The following MYLK4 variants were observed in gnomAD, a reference collection of about 807,000 sequenced individuals.
MYLK4 encodes the protein myosin light chain kinase family member 4.
Under a neutral mutation model 48.1 loss-of-function variants are expected in MYLK4, and 46 were observed. That is an observed-to-expected ratio of 0.96 (90% CI 0.75 to 1.22). The LOEUF is 1.22. Ranked by LOEUF, MYLK4 falls within the 50% of genes most tolerant of loss-of-function variation. MYLK4 has a pLI of 0.00. For synonymous variants in MYLK4, 170 were observed against 180.8 expected (o/e 0.94, Z 0.48); for missense variants, 451 against 486.1 (o/e 0.93, Z 0.68).
At chr6:2,688,423 CAAAGT>C (rs1275207022) in intron 4 of MYLK4, among the ~76,000 whole-genome samples, 1 of 152,098 alleles carries the variant, frequency 6.6e-6, no homozygotes, top group Non-Finnish European at 1.5e-5. Flanking sequence ...ATTTGCTGAG[CAAAGT>C]AATCAATTGA....
Position 2,685,567 on chromosome 6 carries a change from G to C in MYLK4, c.351C>G (p.Phe117Leu), listed in dbSNP as rs766868889. Residue 117 changes from phenylalanine (F) to leucine (L), a missense_variant, in exon 5 of 13, where the codon TTC (phenylalanine) becomes TTG (leucine). Coordinates refer to ENST00000274643, the MANE Select transcript of MYLK4 (RefSeq NM_001012418.5). This position sits in a 1 kb window ranked among gnomAD's most constrained non-coding sequence, Gnocchi z 4.5. The stretch of plus-strand genomic sequence containing the variant: ...TCTCCTCACACTTGTGAACCTGGCC[G>C]AAACGCCCTCTGCCAAAAAGAGGAA... ...SKTEILGGGR[F>L]GQVHKCEETA... is the part of the protein sequence containing the mutation. The C allele has an allele frequency of 6.2e-7, 1 of 1,614,102 alleles. No individual in the cohort carries two copies. The highest frequency in any genetic ancestry group is 8.5e-7 in the Non-Finnish European group (1 of 1,180,010).
At chr6:2,751,828 A>G (rs1764296308), upstream of MYLK4, among the ~76,000 whole-genome samples, 1 of 152,242 alleles carries the variant, frequency 6.6e-6, no homozygotes. Flanking sequence ...TTAATGAATT[A>G]CAGCAAAATC....
Position 2,703,698 on chromosome 6 carries a change from G to A in MYLK4, c.160-10839C>T, listed in dbSNP as rs867062295. Reference sequence around the variant, plus strand: ...TTTTTTTTTTTTTTTTTGAGACGGAGTCTTGCTGTGTCGCCAGGCTGGAGT... The same window carrying A: ...TTTTTTTTTTTTTTTTTGAGACGGAATCTTGCTGTGTCGCCAGGCTGGAGT... On this transcript the variant is annotated intron_variant, in intron 2 of 12. Coordinates refer to ENST00000274643, the MANE Select transcript of MYLK4 (RefSeq NM_001012418.5). 1.4e-4 allele frequency among the ~76,000 whole-genome samples: 16 copies of A among 111,182 alleles called. 1 individual carries two copies. The Middle Eastern group carries it at 0.022, about 151-fold the overall frequency. The allele number at this position is 111,182 out of a possible 152,430, so 72.9% of individuals were successfully genotyped here. A position where few individuals can be genotyped will look rare whatever the true frequency, so the allele number is the denominator to read the frequency against.
chr6:2,755,936 C>T, the MYLK4 span, among the ~76,000 whole-genome samples: 294 of 152,256 alleles, frequency 1.9e-3, 1 homozygote, highest in Admixed American at 3.9e-3. Flanking sequence ...CACATGATGT[C>T]GGTTTGTGCC....
At chr6:2,733,523 C>T (rs1177021458) in intron 2 of MYLK4, among the ~76,000 whole-genome samples, 3 of 152,168 alleles carry the variant, frequency 2.0e-5, no homozygotes, top group Non-Finnish European at 4.4e-5. Flanking sequence ...TCATCAGCCT[C>T]ACTCACAGAG....
upstream of MYLK4, among the ~76,000 whole-genome samples, chr6:2,754,340 C>T (rs77577164): frequency 0.028 from 4,175 of 151,376 alleles, 90 homozygotes; most frequent in Middle Eastern, 0.088. Context: ...TGGAATACTA[C>T]GTAATTAAAA....
upstream of MYLK4, among the ~76,000 whole-genome samples, chr6:2,751,866 T>A (rs996000799): frequency 6.6e-6 from 1 of 152,256 alleles, no homozygotes; most frequent in African/African-American, 2.4e-5. Context: ...CGCTTGTTAT[T>A]TTTCAGATTG....
chr6:2,739,618 A>G (rs1213272917), intron 2 of MYLK4, among the ~76,000 whole-genome samples: 1 of 152,218 alleles, frequency 6.6e-6, no homozygotes, highest in Non-Finnish European at 1.5e-5. Context: ...AGCACATAGC[A>G]TACTATCACC....
chr6:2,761,524 G>GA, the MYLK4 span, among the ~76,000 whole-genome samples: 3 of 152,158 alleles, frequency 2.0e-5, no homozygotes, highest in Non-Finnish European at 4.4e-5. Flanking sequence ...TAGGGTTCAG[G>GA]AAAAAATATT....
chr6:2,763,251 C>G, the MYLK4 span, among the ~76,000 whole-genome samples: 2 of 152,276 alleles, frequency 1.3e-5, no homozygotes, highest in Non-Finnish European at 2.9e-5. Flanking sequence ...CCCCACCAGA[C>G]TCAGAAACCC....
chr6:2,730,434 T>TGAGGG (rs1451681732), intron 2 of MYLK4, among the ~76,000 whole-genome samples: 5 of 152,194 alleles, frequency 3.3e-5, no homozygotes, highest in Admixed American at 3.3e-4. Flanking sequence ...CAGCATTGAA[T>TGAGGG]GAGGGGCTGT....
At chr6:2,763,885 G>A in the MYLK4 span, among the ~76,000 whole-genome samples, 15 of 152,098 alleles carry the variant, frequency 9.9e-5, no homozygotes, top group East Asian at 9.7e-4. Context: ...AGTGGCTCAT[G>A]CCTGTAATCC....
chr6:2,686,485 T>C (rs1041900026), intron 4 of MYLK4, among the ~76,000 whole-genome samples: 1 of 152,256 alleles, frequency 6.6e-6, no homozygotes, highest in African/African-American at 2.4e-5. Flanking sequence ...TGAGCAGTTT[T>C]AAATTTAATT....
intron 3 of MYLK4, among the ~76,000 whole-genome samples, chr6:2,691,742 T>C (rs1214506132): frequency 6.6e-6 from 1 of 152,240 alleles, no homozygotes; most frequent in African/African-American, 2.4e-5. Context: ...AATCATCATC[T>C]TTGTCTACCA....
chr6:2,759,811 T>G, the MYLK4 span, among the ~76,000 whole-genome samples: 1 of 152,238 alleles, frequency 6.6e-6, no homozygotes, highest in East Asian at 1.9e-4. Flanking sequence ...CTTTCTCTAT[T>G]TTACTAGAGA....
At chr6:2,702,556 T>A (rs542581789) in intron 2 of MYLK4, among the ~76,000 whole-genome samples, 1 of 152,302 alleles carries the variant, frequency 6.6e-6, no homozygotes, top group South Asian at 2.1e-4. Context: ...ACTGGAGGGA[T>A]AAGTTTTAGT....
At chr6:2,762,717 A>T in the MYLK4 span, among the ~76,000 whole-genome samples, 1 of 152,220 alleles carries the variant, frequency 6.6e-6, no homozygotes, top group African/African-American at 2.4e-5. Flanking sequence ...GGAAACTGTT[A>T]ACAGTTCTTA....
At chr6:2,752,730 T>C (rs888400886), upstream of MYLK4, among the ~76,000 whole-genome samples, 2 of 152,180 alleles carry the variant, frequency 1.3e-5, no homozygotes, top group Non-Finnish European at 2.9e-5. Flanking sequence ...CATCCACATA[T>C]AGACATTTCC....
chr6:2,755,954 G>A, the MYLK4 span, among the ~76,000 whole-genome samples: 37 of 152,250 alleles, frequency 2.4e-4, no homozygotes, highest in East Asian at 6.6e-3. Flanking sequence ...GCCATTATTC[G>A]TGATATTAAA....
Sources: allele counts gnomAD v4.1 joint callset (sites outside exome capture counted in the v4.1 genomes callset), GRCh38; gene constraint gnomAD v4.1.1; non-coding constraint Gnocchi (gnomAD v3.1); transcripts MANE v1.5; gene names NCBI Gene and HGNC (gene_info 2026-07-23, HGNC 2026-07-21).